The following STXBP5L variants were observed in gnomAD, a reference collection of about 807,000 sequenced individuals.
The protein encoded by STXBP5L is syntaxin binding protein 5L.
A neutral mutation model predicts 144.5 loss-of-function variants in STXBP5L; 65 were observed. That is an observed-to-expected ratio of 0.45 (90% CI 0.37 to 0.55). The LOEUF is 0.55. STXBP5L is among the 20% of genes least tolerant of loss of function. The pLI is 0.00. For missense variants in STXBP5L, 1,298 were observed against 1,405.5 expected, an observed-to-expected ratio of 0.92 and a Z score of 1.22; for synonymous variants, 505 against 469.6, an observed-to-expected ratio of 1.08 and a Z score of -0.97.
At chr3:121,300,281 G>A (rs1386491380) in intron 19 of STXBP5L, among the ~76,000 whole-genome samples, 1 of 151,980 alleles carries the variant, frequency 6.6e-6, no homozygotes, top group Non-Finnish European at 1.5e-5. Flanking sequence ...ATAAGAAATA[G>A]TAAAGAAAAT....
chr3:121,217,163 C>T (rs1269906867), intron 10 of STXBP5L, among the ~76,000 whole-genome samples: 1 of 152,194 alleles, frequency 6.6e-6, no homozygotes. Context: ...GGCTCCCTGG[C>T]TTCAGCCCCC....
intron 22 of STXBP5L, among the ~76,000 whole-genome samples, chr3:121,403,265 G>C (rs972596811): frequency 6.6e-6 from 1 of 152,142 alleles, no homozygotes; most frequent in South Asian, 2.1e-4. Flanking sequence ...GGGAATCAAG[G>C]TTGGAAGCAG....
chr3:121,242,659 C>G (rs910716125), intron 14 of STXBP5L, among the ~76,000 whole-genome samples: 2 of 151,878 alleles, frequency 1.3e-5, no homozygotes, highest in Non-Finnish European at 2.9e-5. Flanking sequence ...TAGAAATGGT[C>G]TAAATACTTC....
chr3:121,138,399 A>G (rs1247729969), intron 7 of STXBP5L, among the ~76,000 whole-genome samples: 2 of 152,140 alleles, frequency 1.3e-5, no homozygotes, highest in African/African-American at 4.8e-5. Context: ...ACAGAAATAG[A>G]AAAAACACCA....
At chr3:120,928,656 G>A (rs1386707585) in intron 2 of STXBP5L, among the ~76,000 whole-genome samples, 3 of 151,496 alleles carry the variant, frequency 2.0e-5, no homozygotes, top group African/African-American at 7.3e-5. Flanking sequence ...GTGTGTGTGT[G>A]TGTGTGTGTG....
chr3:121,008,714 A>C (rs1015168658), intron 3 of STXBP5L, among the ~76,000 whole-genome samples: 1 of 152,024 alleles, frequency 6.6e-6, no homozygotes, highest in Non-Finnish European at 1.5e-5. Flanking sequence ...AGTATATTCA[A>C]TGGTAATGTG....
At chr3:121,172,229 A>C (rs1022484267) in intron 9 of STXBP5L, among the ~76,000 whole-genome samples, 1 of 152,244 alleles carries the variant, frequency 6.6e-6, no homozygotes, top group African/African-American at 2.4e-5. Context: ...AAACCATAAA[A>C]ACCCTAGAAG....
intron 3 of STXBP5L, among the ~76,000 whole-genome samples, chr3:121,038,516 A>G (rs1388329559): frequency 1.3e-5 from 2 of 151,802 alleles, no homozygotes; most frequent in African/African-American, 4.8e-5. Context: ...ATAGTTCGAA[A>G]TATTTTATCT....
At chr3:120,930,529 G>T (rs1709875713) in intron 2 of STXBP5L, among the ~76,000 whole-genome samples, 1 of 152,018 alleles carries the variant, frequency 6.6e-6, no homozygotes, top group Admixed American at 6.6e-5. Context: ...TAAAATCCTT[G>T]ACTTTTTTTT....
intron 3 of STXBP5L, among the ~76,000 whole-genome samples, chr3:121,024,643 ACT>A (rs1945797575): frequency 6.6e-6 from 1 of 152,062 alleles, no homozygotes; most frequent in African/African-American, 2.4e-5. Context: ...ACATTTATAA[ACT>A]CATTCTACCA....
At chr3:121,169,452 G>C (rs1219337854) in intron 9 of STXBP5L, among the ~76,000 whole-genome samples, 1 of 152,110 alleles carries the variant, frequency 6.6e-6, no homozygotes, top group South Asian at 2.1e-4. Context: ...CCCATCTCAG[G>C]TGCTAAGATA....
At chr3:120,965,539 T>G (rs1411240786) in intron 3 of STXBP5L, among the ~76,000 whole-genome samples, 1 of 152,216 alleles carries the variant, frequency 6.6e-6, no homozygotes, top group Non-Finnish European at 1.5e-5. Context: ...TTATGAAGCC[T>G]AGTTTGGCTG....
At chr3:121,379,461 C>A (rs1047797868) in intron 21 of STXBP5L, among the ~76,000 whole-genome samples, 7 of 151,922 alleles carry the variant, frequency 4.6e-5, no homozygotes, top group African/African-American at 7.3e-5. Context: ...TGTAACTTTG[C>A]TGCAACTGTC....
chr3:121,377,111 G>T (rs750816023), intron 20 of STXBP5L, among the ~76,000 whole-genome samples: 1 of 152,140 alleles, frequency 6.6e-6, no homozygotes, highest in Non-Finnish European at 1.5e-5. Context: ...TTGCTTATCA[G>T]CTGAAGGAGA....
chr3:121,349,406 G>T (rs555387751), intron 20 of STXBP5L, among the ~76,000 whole-genome samples: 1 of 149,300 alleles, frequency 6.7e-6, no homozygotes, highest in East Asian at 1.9e-4. Flanking sequence ...AATAGGTGTG[G>T]TGTGGTGCTG....
intron 3 of STXBP5L, among the ~76,000 whole-genome samples, chr3:121,018,270 C>A (rs1264559903): frequency 6.6e-6 from 1 of 152,116 alleles, no homozygotes; most frequent in African/African-American, 2.4e-5. Flanking sequence ...ATAACCAACA[C>A]AATCTTGAAG....
At chr3:121,063,187 G>T (rs1268739161) in intron 5 of STXBP5L, among the ~76,000 whole-genome samples, 1 of 152,186 alleles carries the variant, frequency 6.6e-6, no homozygotes, top group South Asian at 2.1e-4. Context: ...TTCGGATGGG[G>T]TTTTGGTGTG....
At chr3:120,910,023 G>A (rs1708749109) in intron 2 of STXBP5L, among the ~76,000 whole-genome samples, 1 of 152,154 alleles carries the variant, frequency 6.6e-6, no homozygotes, top group Admixed American at 6.5e-5. Flanking sequence ...TCCAATAGTG[G>A]ACAAAATTTT....
At chr3:121,168,485 GA>G (rs902248255) in intron 9 of STXBP5L, among the ~76,000 whole-genome samples, 7 of 152,166 alleles carry the variant, frequency 4.6e-5, no homozygotes, top group Non-Finnish European at 8.8e-5. Context: ...CCAGTTTAGA[GA>G]AGAATATAAA....
Sources: gnomAD v4.1 joint callset for allele counts (sites outside exome capture counted in the v4.1 genomes callset) on GRCh38, gnomAD v4.1.1 for gene constraint, MANE v1.5 for transcripts, NCBI Gene and HGNC (gene_info 2026-07-23, HGNC 2026-07-21) for gene names.